The following NDST3 variants were observed in gnomAD, a reference collection of about 807,000 sequenced individuals.
The protein encoded by NDST3 is N-deacetylase and N-sulfotransferase 3, also known as bifunctional heparan sulfate N-deacetylase/N-sulfotransferase 3.
A neutral mutation model predicts 96.1 loss-of-function variants in NDST3; 58 were observed. The ratio of observed to expected loss-of-function variants is 0.60; its 90% CI spans 0.49 to 0.75. The LOEUF is 0.75. Among genes scored for constraint, NDST3 ranks in the 30% least tolerant of loss-of-function variants. The pLI is 0.00. For missense variants in NDST3, 788 were observed against 1,034.2 expected, an observed-to-expected ratio of 0.76 and a Z score of 3.27; for synonymous variants, 333 against 359.7, an observed-to-expected ratio of 0.93 and a Z score of 0.84.
chr4:118,077,148 A>G (rs2125811423), intron 2 of NDST3, among the ~76,000 whole-genome samples: 1 of 152,284 alleles, frequency 6.6e-6, no homozygotes, highest in Admixed American at 6.5e-5. Flanking sequence ...GAGGTAAGGA[A>G]CCTGCTGCGC....
chr4:118,251,129 T>A (rs1476446066), intron 12 of NDST3, among the ~76,000 whole-genome samples: 2 of 110,386 alleles, frequency 1.8e-5, no homozygotes, highest in African/African-American at 6.3e-5. Context: ...ATTTTTATTT[T>A]ATTTTTTTTT....
At position 118,120,421 on chromosome 4, in the gene NDST3, G is replaced by A. The variant is rs150236122; in HGVS notation, c.1224+5461G>A. The stretch of plus-strand genomic sequence containing the variant: ...CAGGGTAAGCAGGCTCAGGATTGGC[G>A]ACTTTGAATAATTTCAGTATGCTCT... On this transcript the variant is annotated intron_variant, in intron 4 of 13. Coordinates refer to ENST00000296499, the MANE Select transcript of NDST3 (RefSeq NM_004784.3). Among the ~76,000 whole-genome samples the A allele has an allele frequency of 4.7e-3, 710 of 152,228 alleles. 5 individuals carry two copies. Among genetic ancestry groups the A allele is most frequent in the Non-Finnish European group, 6.9e-3 (471 of 68,018 alleles).
chr4:118,131,997 G>C (rs1732664607), intron 4 of NDST3, among the ~76,000 whole-genome samples: 1 of 152,018 alleles, frequency 6.6e-6, no homozygotes, highest in African/African-American at 2.4e-5. Flanking sequence ...GACTGCACTG[G>C]GTCAGGCCTA....
intron 6 of NDST3, among the ~76,000 whole-genome samples, chr4:118,197,290 G>T (rs942660726): frequency 1.3e-4 from 19 of 147,198 alleles, no homozygotes; most frequent in African/African-American, 4.7e-4. Flanking sequence ...TAATCTATAT[G>T]CTGGGGAAAA....
intron 1 of NDST3, among the ~76,000 whole-genome samples, chr4:118,042,627 C>G (rs1252570637): frequency 6.6e-6 from 1 of 152,180 alleles, no homozygotes; most frequent in Non-Finnish European, 1.5e-5. Flanking sequence ...TAATCTGCAC[C>G]ACTCTTTTAA....
At position 118,257,475 on chromosome 4, in the gene NDST3, T is replaced by G. The variant is rs1313982536; in HGVS notation, c.*1763T>G. The G allele has an allele frequency of 6.6e-6, 1 of 152,148 alleles. No homozygotes were observed. Among genetic ancestry groups the G allele is most frequent in the East Asian group, 1.9e-4 (1 of 5,202 alleles). 9.4% of individuals were successfully genotyped at this position (152,148 alleles called of 1,614,324 possible). Reference sequence around the variant, plus strand: ...AATGTACTGTACATATACATAAAATTTAAGTAGTAAATTAATTCCCTGCTA... The same window carrying G: ...AATGTACTGTACATATACATAAAATGTAAGTAGTAAATTAATTCCCTGCTA... On this transcript the variant is annotated 3_prime_UTR_variant, in exon 14 of 14. Coordinates refer to ENST00000296499, the MANE Select transcript of NDST3 (RefSeq NM_004784.3).
chr4:118,166,724 G>A (rs111679571), intron 6 of NDST3, among the ~76,000 whole-genome samples: 3,104 of 151,966 alleles, frequency 0.02, 40 homozygotes, highest in South Asian at 0.033. Context: ...TGATTCTTGG[G>A]ATGCAAGGAT....
chr4:118,079,528 G>A (rs1665923434), intron 2 of NDST3, among the ~76,000 whole-genome samples: 1 of 152,192 alleles, frequency 6.6e-6, no homozygotes, highest in African/African-American at 2.4e-5. Flanking sequence ...AGAAAGGTCA[G>A]TGTGCGTGGA....
chr4:118,109,148 A>G (rs1302706323), intron 3 of NDST3, among the ~76,000 whole-genome samples: 1 of 152,174 alleles, frequency 6.6e-6, no homozygotes, highest in African/African-American at 2.4e-5. Flanking sequence ...GCTTAAGGAA[A>G]CAGAAGACTG....
chr4:118,174,427 T>C (rs1736148738), intron 6 of NDST3, among the ~76,000 whole-genome samples: 1 of 152,178 alleles, frequency 6.6e-6, no homozygotes, highest in African/African-American at 2.4e-5. Context: ...TCAGATCTGA[T>C]GAACTATATG....
intron 5 of NDST3, among the ~76,000 whole-genome samples, chr4:118,139,140 C>T (rs1488145915): frequency 6.6e-6 from 1 of 152,172 alleles, no homozygotes; most frequent in African/African-American, 2.4e-5. Context: ...CTTGACTTTT[C>T]CCTCAATAAA....
intron 8 of NDST3, among the ~76,000 whole-genome samples, chr4:118,232,808 A>G (rs940520033): frequency 2.0e-5 from 3 of 152,166 alleles, no homozygotes; most frequent in African/African-American, 7.2e-5. Flanking sequence ...AATCCCTGCA[A>G]CAGGCCTCTT....
intron 6 of NDST3, among the ~76,000 whole-genome samples, chr4:118,150,239 C>T (rs376027881): frequency 6.4e-4 from 97 of 152,214 alleles, no homozygotes; most frequent in Admixed American, 1.8e-3. Flanking sequence ...TGTCTCTGCC[C>T]GGCTTTGGTA....
intron 6 of NDST3, among the ~76,000 whole-genome samples, chr4:118,149,863 G>A (rs1734253549): frequency 6.6e-6 from 1 of 152,080 alleles, no homozygotes; most frequent in African/African-American, 2.4e-5. Flanking sequence ...TCCAGTTTTT[G>A]CCCATTCAGT....
intron 2 of NDST3, among the ~76,000 whole-genome samples, chr4:118,067,893 C>T (rs1426741801): frequency 6.6e-6 from 1 of 151,454 alleles, no homozygotes; most frequent in Non-Finnish European, 1.5e-5. Flanking sequence ...GCACGTTCTA[C>T]ACATGTATCC....
chr4:118,235,621 T>C (rs1740588937), intron 9 of NDST3, among the ~76,000 whole-genome samples: 1 of 152,142 alleles, frequency 6.6e-6, no homozygotes, highest in Admixed American at 6.5e-5. Flanking sequence ...ACAAGCAAGT[T>C]TGAGTCAAGC....
At chr4:118,190,627 G>A (rs1341745876) in intron 6 of NDST3, among the ~76,000 whole-genome samples, 2 of 152,150 alleles carry the variant, frequency 1.3e-5, no homozygotes, top group African/African-American at 4.8e-5. Flanking sequence ...ACAGAGCTGT[G>A]AAGACTATAC....
intron 4 of NDST3, among the ~76,000 whole-genome samples, chr4:118,128,923 A>C (rs972907653): frequency 2.0e-5 from 3 of 151,992 alleles, no homozygotes; most frequent in Admixed American, 2.0e-4. Context: ...GGTAGGTTGT[A>C]TGTGCCAAGG....
Position 118,143,804 on chromosome 4 carries a change from A to C in NDST3, c.1539+120A>C, listed in dbSNP as rs2125906641. 4 of 1,102,086 alleles carry C rather than the reference A, an allele frequency of 3.6e-6. No individual in the cohort carries two copies. In the South Asian group the frequency reaches 7.8e-5, roughly 21 times the overall value. 68.3% of individuals were successfully genotyped at this position (1,102,086 alleles called of 1,614,324 possible). ...AAGCCAATATGAAGTTCTAGCTCTG[A>C]AACAGTAGTAAAAACTAAATGGAAC... On this transcript the variant is annotated intron_variant, in intron 6 of 13. Coordinates refer to ENST00000296499, the MANE Select transcript of NDST3 (RefSeq NM_004784.3).
Sources: allele counts gnomAD v4.1 joint callset (sites outside exome capture counted in the v4.1 genomes callset), GRCh38; gene constraint gnomAD v4.1.1; transcripts MANE v1.5; gene names NCBI Gene and HGNC (gene_info 2026-07-23, HGNC 2026-07-21).